Variants in CPSF7 observed in about 807,000 individuals in gnomAD.
The protein encoded by CPSF7 is cleavage and polyadenylation specific factor 7, also known as cleavage and polyadenylation specificity factor subunit 7.
A neutral mutation model predicts 44.3 loss-of-function variants in CPSF7; 1 was observed. That is an observed-to-expected ratio of 0.02 (90% CI 0.01 to 0.11). The LOEUF (loss-of-function observed/expected upper bound fraction) is 0.11. Ranked by LOEUF, CPSF7 falls within the 10% of genes least tolerant of loss-of-function variation. The pLI is 1.00. For synonymous variants in CPSF7, 202 were observed against 222.0 expected (o/e 0.91, Z 0.80); for missense variants, 443 against 607.2 (o/e 0.73, Z 2.84).
intron 3 of CPSF7, 176 bp downstream of exon 3, chr11:61,421,214 C>A (rs1273246111): frequency 3.8e-6 from 4 of 1,049,382 alleles, no homozygotes; most frequent in Non-Finnish European, 5.7e-6. Context: ...TTCTTCGGCA[C>A]CAGTACGTCC....
chr11:61,406,269 A>C (rs1230744628), intron 9 of CPSF7: 3 of 152,232 alleles, frequency 2.0e-5, no homozygotes. Context: ...TACGCCGAGA[A>C]AAGATGGACA....
rs1413009597 is a variant in CPSF7 at position 61,403,731 on chromosome 11, T to G, written c.*979A>C. 1 of 152,220 alleles carries G rather than the reference T, an allele frequency of 6.6e-6. No homozygotes were observed. The highest frequency in any genetic ancestry group is 2.4e-5 in the African/African-American group (1 of 41,432). The allele number at this position is 152,220 out of a possible 1,614,324, so 9.4% of individuals were successfully genotyped here. A position where few individuals can be genotyped will look rare whatever the true frequency, so the allele number is the denominator to read the frequency against. ...GAAAAGCCTATGGAAGTAGGCCATA[T>G]CCTGCCCAACTTGCTTCTTTCCCCA... On this transcript the variant is annotated 3_prime_UTR_variant, in exon 10 of 10. Transcript: ENST00000439958.
intron 2 of CPSF7, among the ~76,000 whole-genome samples, chr11:61,422,452 C>A (rs1860968031): frequency 6.6e-6 from 1 of 151,990 alleles, no homozygotes; most frequent in Non-Finnish European, 1.5e-5. Context: ...TAACTGGGGA[C>A]TACAGACATG....
chr11:61,422,949 A>G (rs1393582475), intron 2 of CPSF7, among the ~76,000 whole-genome samples: 1 of 151,790 alleles, frequency 6.6e-6, no homozygotes, highest in Non-Finnish European at 1.5e-5. Flanking sequence ...CCTGGGCAAC[A>G]TGGTGAAACC....
At chr11:61,411,665 G>T in intron 8 of CPSF7, 104 bp downstream of exon 8, 1 of 1,030,566 alleles carries the variant, frequency 9.7e-7, no homozygotes, top group Non-Finnish European at 1.4e-6. Context: ...CCAGACTTTC[G>T]GCCAGGTCTT....
chr11:61,410,090 C>G (rs969756870), intron 9 of CPSF7, among the ~76,000 whole-genome samples: 12 of 151,796 alleles, frequency 7.9e-5, no homozygotes, highest in Non-Finnish European at 1.5e-4. Flanking sequence ...CATGAGGCAC[C>G]CACCCGCCCC....
At chr11:61,409,834 G>A (rs760400034) in intron 9 of CPSF7, among the ~76,000 whole-genome samples, 9 of 151,976 alleles carry the variant, frequency 5.9e-5, no homozygotes, top group Non-Finnish European at 1.0e-4. Flanking sequence ...ATTAGCGGGC[G>A]TGGTGACGCG....
chr11:61,426,233 A>G (rs1321381147), intron 2 of CPSF7, among the ~76,000 whole-genome samples: 2 of 152,248 alleles, frequency 1.3e-5, no homozygotes, highest in Admixed American at 6.5e-5. Context: ...TTGGGGCGAA[A>G]TCAGTAACAT....
chr11:61,424,411 C>T (rs1039974996), intron 2 of CPSF7, among the ~76,000 whole-genome samples: 12 of 152,124 alleles, frequency 7.9e-5, no homozygotes. Context: ...TCACTTGATC[C>T]CATCCAATGC....
chr11:61,429,849 C>T, intron 1 of CPSF7, 65 bp downstream of exon 1: 2 of 1,544,604 alleles, frequency 1.3e-6, no homozygotes. Context: ...ACCCCCTTCC[C>T]GCCTCAGTGC....
intron 5 of CPSF7, 114 bp downstream of exon 5, chr11:61,419,835 C>T: frequency 7.4e-7 from 1 of 1,357,780 alleles, no homozygotes; most frequent in Non-Finnish European, 1.0e-6. Flanking sequence ...CACCCTCCCC[C>T]AAACTCACCC....
chr11:61,409,959 G>A (rs1313347995), intron 9 of CPSF7, among the ~76,000 whole-genome samples: 1 of 151,898 alleles, frequency 6.6e-6, no homozygotes, highest in Non-Finnish European at 1.5e-5. Flanking sequence ...GGCAAAGTGA[G>A]GCTCTGTCTC....
chr11:61,415,571 C>CT (rs1860245462), intron 7 of CPSF7, 95 bp downstream of exon 7: 2 of 823,964 alleles, frequency 2.4e-6, no homozygotes, highest in Non-Finnish European at 4.2e-6. Context: ...AGTACTCCAA[C>CT]TTTATCTTGT....
At chr11:61,425,844 C>T (rs990472065) in intron 2 of CPSF7, among the ~76,000 whole-genome samples, 1 of 152,116 alleles carries the variant, frequency 6.6e-6, no homozygotes, top group African/African-American at 2.4e-5. Context: ...CAGGGACCCA[C>T]TTTTTTTTCC....
chr11:61,421,026 A>T, intron 3 of CPSF7: 1 of 1,231,210 alleles, frequency 8.1e-7, no homozygotes, highest in Non-Finnish European at 1.1e-6. Flanking sequence ...TACTAGAGTT[A>T]TCAAGGTCTT....
chr11:61,410,358 A>ATT (rs1285724329), intron 9 of CPSF7, among the ~76,000 whole-genome samples: 3 of 152,212 alleles, frequency 2.0e-5, no homozygotes, highest in African/African-American at 7.2e-5. Context: ...TGCTGGGATC[A>ATT]TAGGTGTGAG....
rs1282584880 is a variant in CPSF7 at position 61,416,092 on chromosome 11, C to T, written c.938+13G>A. 1 of 1,497,682 alleles carries T rather than the reference C, an allele frequency of 6.7e-7. No homozygotes were observed. Among genetic ancestry groups the T allele is most frequent in the Non-Finnish European group, 8.9e-7 (1 of 1,124,930 alleles). The allele number at this position is 1,497,682 out of a possible 1,614,324, so 92.8% of individuals were successfully genotyped here. A position where few individuals can be genotyped will look rare whatever the true frequency, so the allele number is the denominator to read the frequency against. On this transcript the variant is annotated intron_variant, in intron 6 of 9. Coordinates refer to ENST00000439958, the MANE Select transcript of CPSF7 (RefSeq NM_001142565.3). Reference sequence around the variant, plus strand: ...TACCCTGGCTCAAATCTGAAAGGAACAATAGTCCTTACCTGCCATGGTGGT... The same window carrying T: ...TACCCTGGCTCAAATCTGAAAGGAATAATAGTCCTTACCTGCCATGGTGGT...
At chr11:61,422,903 T>C (rs11230692) in intron 2 of CPSF7, among the ~76,000 whole-genome samples, 138,654 of 152,026 alleles carry the variant, frequency 0.91, 63,378 homozygotes, top group East Asian at 1. Context: ...GACGCAGAGA[T>C]AGGCAAACTG....
At position 61,416,487 on chromosome 11, in the gene CPSF7, T is replaced by C. The variant is rs1860351177; in HGVS notation, c.556A>G (p.Ser186Gly). 1 of 1,613,940 alleles carries C rather than the reference T, an allele frequency of 6.2e-7. No homozygotes were observed. Among genetic ancestry groups the C allele is most frequent in the Admixed American group, 1.7e-5 (1 of 60,000 alleles). ...GTGGCCCGTCCATCAGCAGAATCAC[T>C]AGAATCTCGGGAATGGGCCCGTGGA... ...IPPRAHSRDSSDSADGRATPS... is the reference protein window; with the variant it reads ...IPPRAHSRDSGDSADGRATPS... Residue 186 changes from serine to glycine, a missense_variant, in exon 6 of 10, where the codon AGT (serine) becomes GGT (glycine). Coordinates refer to ENST00000439958, the MANE Select transcript of CPSF7 (RefSeq NM_001142565.3).
Sources: gnomAD v4.1 joint callset for allele counts (sites outside exome capture counted in the v4.1 genomes callset) on GRCh38, gnomAD v4.1.1 for gene constraint, MANE v1.5 for transcripts, NCBI Gene and HGNC (gene_info 2026-07-23, HGNC 2026-07-21) for gene names.